Variants in IQGAP1 observed in about 807,000 individuals in gnomAD.
IQGAP1 encodes the protein IQ motif containing GTPase activating protein 1, also known as ras GTPase-activating-like protein IQGAP1.
In IQGAP1, 66 loss-of-function variants were observed where a neutral mutation model predicts 215.6. That is an observed-to-expected ratio of 0.31 (90% CI 0.25 to 0.38). The LOEUF is 0.38. Ranked by LOEUF, IQGAP1 falls within the 10% of genes least tolerant of loss-of-function variation. The pLI is 1.00. For synonymous variants in IQGAP1, 772 were observed against 728.7 expected (o/e 1.06, Z -0.96); for missense variants, 1,712 against 1,997.1 (o/e 0.86, Z 2.72).
intron 5 of IQGAP1, among the ~76,000 whole-genome samples, chr15:90,437,424 C>A (rs1965384866): frequency 6.6e-6 from 1 of 152,020 alleles, no homozygotes; most frequent in South Asian, 2.1e-4. Context: ...GAAAGAAATT[C>A]TTGGAGAAAA....
At chr15:90,402,171 T>C (rs1363058561) in intron 2 of IQGAP1, among the ~76,000 whole-genome samples, 1 of 152,216 alleles carries the variant, frequency 6.6e-6, no homozygotes, top group Non-Finnish European at 1.5e-5. Flanking sequence ...AAGTCTCCAG[T>C]TGTCTTATGT....
intron 2 of IQGAP1, among the ~76,000 whole-genome samples, chr15:90,421,283 C>G (rs187829099): frequency 6.6e-6 from 1 of 152,144 alleles, no homozygotes; most frequent in African/African-American, 2.4e-5. Context: ...CAGGACCAAC[C>G]TGGCCAACAT....
At chr15:90,426,455 A>T (rs545778900) in intron 3 of IQGAP1, among the ~76,000 whole-genome samples, 189 bp downstream of exon 3, 94 of 152,230 alleles carry the variant, frequency 6.2e-4, no homozygotes, top group Non-Finnish European at 1.2e-3. Flanking sequence ...ATATTATTAC[A>T]TCTCTTTTAG....
intron 18 of IQGAP1, among the ~76,000 whole-genome samples, chr15:90,467,944 C>T (rs1965854156): frequency 6.6e-6 from 1 of 152,232 alleles, no homozygotes; most frequent in African/African-American, 2.4e-5. Context: ...ATATTAGCTA[C>T]AACCTGCACT....
intron 2 of IQGAP1, among the ~76,000 whole-genome samples, chr15:90,415,572 C>G (rs1001344035): frequency 6.6e-6 from 1 of 151,904 alleles, no homozygotes; most frequent in Non-Finnish European, 1.5e-5. Flanking sequence ...AGTTGTGAAC[C>G]GTGAGGTCTG....
chr15:90,456,748 C>A (rs1328458423), intron 15 of IQGAP1, among the ~76,000 whole-genome samples: 1 of 149,080 alleles, frequency 6.7e-6, no homozygotes, highest in East Asian at 2.0e-4. Flanking sequence ...ATTAGCTGGG[C>A]GTGGTGGTGC....
In IQGAP1 at chr15:90,494,789, C is replaced by T. The variant is rs773127918; in HGVS notation, c.4705C>T (p.His1569Tyr). The T allele has an allele frequency of 6.2e-7, 1 of 1,607,230 alleles. No individual in the cohort carries two copies. The highest frequency in any genetic ancestry group is 1.1e-5 in the South Asian group (1 of 90,386). Residue 1569 changes from histidine to tyrosine, a missense_variant, in exon 36 of 38, where the codon CAT (histidine) becomes TAT (tyrosine). This residue lies in a region of IQGAP1 where 691 missense variants were observed against 923.0 expected (regional missense o/e 0.75). Transcript: ENST00000268182. ...TCTGAAATATACAGCAGCAAGACTACATGAAAAAGGAGTTCTTCTGGAAAT... is the reference window on the plus strand; with the variant it reads ...TCTGAAATATACAGCAGCAAGACTATATGAAAAAGGAGTTCTTCTGGAAAT... ...ISLKYTAARL[H>Y]EKGVLLEIED...
intron 2 of IQGAP1, among the ~76,000 whole-genome samples, chr15:90,399,452 G>T (rs1286028551): frequency 2.6e-5 from 4 of 151,976 alleles, no homozygotes; most frequent in Admixed American, 1.3e-4. Flanking sequence ...GTTAACTTTT[G>T]TGAGCTCTTT....
chr15:90,389,325 T>C (rs543837038), intron 1 of IQGAP1, among the ~76,000 whole-genome samples: 130 of 149,342 alleles, frequency 8.7e-4, no homozygotes, highest in African/African-American at 2.8e-3. Flanking sequence ...GAAGACAGTA[T>C]GAGCACGGGA....
chr15:90,482,183 T>G lies in IQGAP1; in HGVS notation c.3471-14T>G, dbSNP rs78062791. The stretch of plus-strand genomic sequence containing the variant: ...CTCCTTGGCCCTTCTCACTAAGTTT[T>G]GTCCATCCCGCAGTTATGGGATGCG... On this transcript the variant is annotated splice_polypyrimidine_tract_variant and intron_variant, in intron 27 of 37. Transcript: ENST00000268182. 1.3e-5 allele frequency: 21 copies of G among 1,614,118 alleles called. No individual in the cohort carries two copies. The South Asian group carries it at 2.0e-4, about 15-fold the overall frequency.
In IQGAP1 at chr15:90,491,976, T is replaced by G. The variant is rs1966211868; in HGVS notation, c.4461+431T>G. ...TTATGCACACCTGAGAACTGGTAGTTGATGTATTATAGTTCTCTTTTTCTC... is the reference window on the plus strand; with the variant it reads ...TTATGCACACCTGAGAACTGGTAGTGGATGTATTATAGTTCTCTTTTTCTC... On this transcript the variant is annotated intron_variant, in intron 34 of 37. Coordinates refer to ENST00000268182, the MANE Select transcript of IQGAP1 (RefSeq NM_003870.4). Among the ~76,000 whole-genome samples the G allele has an allele frequency of 2.6e-5, 4 of 152,196 alleles. No individual in the cohort carries two copies. The South Asian group carries it at 8.3e-4, about 31-fold the overall frequency.
Position 90,432,378 on chromosome 15 carries a change from A to C in IQGAP1, c.391-1341A>C, listed in dbSNP as rs560741908. Among the ~76,000 whole-genome samples the C allele has an allele frequency of 2.0e-4, 30 of 152,202 alleles. No homozygotes were observed. The East Asian group carries it at 5.4e-3, about 27-fold the overall frequency. On this transcript the variant is annotated intron_variant, in intron 4 of 37. Transcript: ENST00000268182. ...TCTACTGTTACAACAGCCTCCCAGC[A>C]TACCTCCCCAGCTCCCATCTCCCAT...
At chr15:90,480,368 C>A (rs16944485) in intron 26 of IQGAP1, among the ~76,000 whole-genome samples, 33,084 of 152,010 alleles carry the variant, frequency 0.22, 4,932 homozygotes, top group African/African-American at 0.43. Flanking sequence ...CCACCATACA[C>A]GTAGCAAACT....
At chr15:90,400,859 T>C (rs924895415) in intron 2 of IQGAP1, among the ~76,000 whole-genome samples, 1 of 152,230 alleles carries the variant, frequency 6.6e-6, no homozygotes, top group African/African-American at 2.4e-5. Context: ...TTCCTTCTGC[T>C]TCACAGTGTC....
intron 31 of IQGAP1, 88 bp downstream of exon 31, chr15:90,486,220 A>T: frequency 1.3e-6 from 1 of 797,884 alleles, no homozygotes; most frequent in Admixed American, 2.2e-5. Flanking sequence ...TTTGCACTAT[A>T]CCAAACTCTG....
Position 90,453,291 on chromosome 15 carries a change from AGGTG to A in IQGAP1, c.1487+4_1487+7del, listed in dbSNP as rs771898919. ...CAATATTGAGGAAGAAAACTGTCAGAGGTGGGTGTCCAGAGTGAAGGGAATAAAT... is the reference window on the plus strand; with the variant it reads ...CAATATTGAGGAAGAAAACTGTCAGAGGTGTCCAGAGTGAAGGGAATAAAT... On this transcript the variant is annotated splice_donor_variant and splice_donor_region_variant and coding_sequence_variant and intron_variant, in exon 13 of 38. Coordinates refer to ENST00000268182, the MANE Select transcript of IQGAP1 (RefSeq NM_003870.4). LOFTEE classifies it high-confidence loss of function. 1.2e-5 allele frequency: 19 copies of A among 1,610,278 alleles called. No individual in the cohort carries two copies. The highest frequency in any genetic ancestry group is 1.6e-5 in the Non-Finnish European group (19 of 1,178,106).
chr15:90,389,993 C>T (rs1022944618), intron 1 of IQGAP1, among the ~76,000 whole-genome samples: 6 of 148,792 alleles, frequency 4.0e-5, no homozygotes, highest in African/African-American at 1.2e-4. Flanking sequence ...GCATGTGGAA[C>T]AAGAGACAGG....
intron 9 of IQGAP1, among the ~76,000 whole-genome samples, chr15:90,445,023 G>A (rs950345767): frequency 6.6e-6 from 1 of 152,138 alleles, no homozygotes. Flanking sequence ...CTTGGGGGCT[G>A]AAGCAGGAGG....
intron 3 of IQGAP1, among the ~76,000 whole-genome samples, chr15:90,428,485 TA>T (rs1275697885): frequency 7.5e-5 from 11 of 146,792 alleles, no homozygotes; most frequent in South Asian, 2.2e-4. Context: ...GCAGCAACAA[TA>T]AAAAAAAAAT....
Sources: gnomAD v4.1 joint callset for allele counts (sites outside exome capture counted in the v4.1 genomes callset) on GRCh38, gnomAD v4.1.1 for gene constraint, gnomAD v4.1.1 regional missense constraint, MANE v1.5 for transcripts, NCBI Gene and HGNC (gene_info 2026-07-23, HGNC 2026-07-21) for gene names.